N4BP2L2: variants seen among roughly 807,000 people sequenced by gnomAD.
The protein encoded by N4BP2L2 is NEDD4 binding protein 2 like 2, also known as NEDD4-binding protein 2-like 2.
In N4BP2L2, 50 loss-of-function variants were observed where a neutral mutation model predicts 56.2. That is an observed-to-expected ratio of 0.89 (90% confidence interval 0.71 to 1.13). The LOEUF (loss-of-function observed/expected upper bound fraction) is 1.13, where lower values mean the gene tolerates loss of function less well. Among genes scored for constraint, N4BP2L2 ranks in the 50% most tolerant of loss-of-function variants. The probability of loss-of-function intolerance (pLI) is 0.00; values close to 1 mark genes in which losing one functional copy is unlikely to be tolerated. For synonymous variants in N4BP2L2, 203 were observed against 223.6 expected (o/e 0.91, Z 0.82); for missense variants, 689 against 693.8 (o/e 0.99, Z 0.08).
chr13:32,465,525 C>T (rs947568479), intron 6 of N4BP2L2, among the ~76,000 whole-genome samples: 2 of 150,710 alleles, frequency 1.3e-5, no homozygotes, highest in African/African-American at 5.0e-5. Flanking sequence ...TACACACAGT[C>T]ATACACACAG....
chr13:32,521,054 G>T (rs1467730143), intron 5 of N4BP2L2, among the ~76,000 whole-genome samples: 1 of 152,152 alleles, frequency 6.6e-6, no homozygotes, highest in African/African-American at 2.4e-5. Context: ...TTCAAAAATT[G>T]CTAAAACCTA....
In N4BP2L2 at chr13:32,461,285, G is replaced by A. The variant is rs560008977; in HGVS notation, c.366-17159C>T. On this transcript the variant is annotated intron_variant, in intron 6 of 9. Coordinates refer to the N4BP2L2 transcript ENST00000357505. ...AAATGGGACTTAATTAAATTTAAAAGCTTCTGCACAGCAATGGAAACAATC... is the reference window on the plus strand; with the variant it reads ...AAATGGGACTTAATTAAATTTAAAAACTTCTGCACAGCAATGGAAACAATC... Among the ~76,000 whole-genome samples the A allele has an allele frequency of 1.5e-4, 23 of 152,246 alleles. No homozygotes were observed. In the South Asian group the frequency reaches 4.8e-3, roughly 32 times the overall value.
chr13:32,481,706 C>G (rs2084784527), intron 6 of N4BP2L2, among the ~76,000 whole-genome samples: 1 of 152,154 alleles, frequency 6.6e-6, no homozygotes, highest in African/African-American at 2.4e-5. Flanking sequence ...GGCTTTAATT[C>G]ACACCTCAAA....
At chr13:32,435,804 G>C (rs891727268) in intron 9 of N4BP2L2, among the ~76,000 whole-genome samples, 20 of 152,076 alleles carry the variant, frequency 1.3e-4, no homozygotes, top group African/African-American at 4.8e-4. Context: ...ATGAAAAAAC[G>C]TATGGTAAAT....
At chr13:32,449,692 G>A (rs1011506711) in intron 6 of N4BP2L2, among the ~76,000 whole-genome samples, 6 of 151,928 alleles carry the variant, frequency 3.9e-5, no homozygotes, top group Non-Finnish European at 1.5e-5. Flanking sequence ...ACACATAGTG[G>A]GTACTTCATA....
At chr13:32,468,704 A>T (rs1276766151) in intron 6 of N4BP2L2, among the ~76,000 whole-genome samples, 2 of 152,122 alleles carry the variant, frequency 1.3e-5, no homozygotes, top group Non-Finnish European at 2.9e-5. Flanking sequence ...TTGTTACATA[A>T]CCTGTTTGTG....
intron 6 of N4BP2L2, among the ~76,000 whole-genome samples, chr13:32,467,653 G>A (rs1356915162): frequency 1.3e-5 from 2 of 151,272 alleles, no homozygotes; most frequent in African/African-American, 4.9e-5. Flanking sequence ...ATTAATATAG[G>A]TAACAATGAA....
intron 6 of N4BP2L2, among the ~76,000 whole-genome samples, chr13:32,459,749 C>T (rs544196751): frequency 1.3e-5 from 2 of 152,170 alleles, no homozygotes; most frequent in Non-Finnish European, 2.9e-5. Context: ...CAAAGCAATT[C>T]TCCTAAAACT....
chr13:32,512,105 ATAAAG>A (rs988789945), exon 6 of N4BP2L2: 20 of 152,316 alleles, frequency 1.3e-4, no homozygotes, highest in African/African-American at 4.6e-4. Context: ...AATCCAAATA[ATAAAG>A]TATATTTCAA....
At chr13:32,532,522 ATGTCATTTCATC>A (rs2055126957) in intron 2 of N4BP2L2, among the ~76,000 whole-genome samples, 1 of 151,870 alleles carries the variant, frequency 6.6e-6, no homozygotes, top group Non-Finnish European at 1.5e-5. Context: ...CTAATATAAA[ATGTCATTTCATC>A]AAATATTAAA....
intron 6 of N4BP2L2, among the ~76,000 whole-genome samples, chr13:32,449,884 G>A (rs1361612083): frequency 6.6e-6 from 1 of 152,158 alleles, no homozygotes; most frequent in African/African-American, 2.4e-5. Context: ...TTTACTTAAT[G>A]TAATTGCAAA....
At chr13:32,465,372 C>G (rs1486775796) in intron 6 of N4BP2L2, among the ~76,000 whole-genome samples, 1 of 152,128 alleles carries the variant, frequency 6.6e-6, no homozygotes, top group Non-Finnish European at 1.5e-5. Flanking sequence ...GGTTACCACC[C>G]TAAAACTCAG....
intron 3 of N4BP2L2, chr13:32,525,389 TAAACATTCTTGTG>T (rs2052430699): frequency 6.6e-6 from 1 of 152,244 alleles, no homozygotes; most frequent in African/African-American, 2.4e-5. Flanking sequence ...ATCTGATGTT[TAAACATTCTTGTG>T]AAACTATAAA....
At chr13:32,534,050 TG>T (rs1054898256) in intron 2 of N4BP2L2, among the ~76,000 whole-genome samples, 23 of 152,192 alleles carry the variant, frequency 1.5e-4, no homozygotes, top group Admixed American at 6.5e-4. Context: ...TACTAGTTTT[TG>T]TAACTTCCAA....
intron 6 of N4BP2L2, chr13:32,477,938 T>C (rs1166378437): frequency 1.6e-6 from 2 of 1,289,438 alleles, no homozygotes; most frequent in Non-Finnish European, 2.0e-6. Flanking sequence ...GTCTCCCTTT[T>C]GTTCTTGCTG....
intron 6 of N4BP2L2, chr13:32,480,601 T>A (rs577822172): frequency 1.6e-6 from 2 of 1,285,894 alleles, no homozygotes; most frequent in African/African-American, 3.0e-5. Context: ...TGAGTTGCTG[T>A]CTTACTAGGA....
At chr13:32,465,363 G>T (rs1454476829) in intron 6 of N4BP2L2, among the ~76,000 whole-genome samples, 2 of 152,052 alleles carry the variant, frequency 1.3e-5, no homozygotes, top group Non-Finnish European at 2.9e-5. Context: ...AACCAAACAG[G>T]TTACCACCCT....
chr13:32,483,891 G>A (rs753847309), intron 6 of N4BP2L2, among the ~76,000 whole-genome samples: 2 of 151,624 alleles, frequency 1.3e-5, no homozygotes, highest in Non-Finnish European at 2.9e-5. Flanking sequence ...GGCTAAGGCA[G>A]GAGAATCGCT....
downstream of N4BP2L2, chr13:32,505,946 A>G (rs1409922488): frequency 6.6e-6 from 1 of 152,214 alleles, no homozygotes; most frequent in African/African-American, 2.4e-5. Flanking sequence ...CCCATTATCT[A>G]GTTCTAAAGC....
Sources: allele counts gnomAD v4.1 joint callset (sites outside exome capture counted in the v4.1 genomes callset), GRCh38; gene constraint gnomAD v4.1.1; transcripts MANE v1.5; gene names NCBI Gene and HGNC (gene_info 2026-07-23, HGNC 2026-07-21).